The following SLC4A10 variants were observed in gnomAD, a reference collection of about 807,000 sequenced individuals.
The protein encoded by SLC4A10 is sodium-driven chloride bicarbonate exchanger.
A neutral mutation model predicts 137.7 loss-of-function variants in SLC4A10; 42 were observed. That is an observed-to-expected ratio of 0.30 (90% CI 0.24 to 0.39). The LOEUF (loss-of-function observed/expected upper bound fraction) is 0.39, where lower values mean the gene tolerates loss of function less well. Ranked by LOEUF, SLC4A10 falls within the 10% of genes least tolerant of loss-of-function variation. The pLI, the probability that SLC4A10 is intolerant of heterozygous loss-of-function variation, is 1.00. For missense variants in SLC4A10, 925 were observed against 1,355.0 expected (o/e 0.68, Z 4.98); for synonymous variants, 474 against 464.1 (o/e 1.02, Z -0.27).
chr2:161,625,152 T>G (rs2032045299), intron 1 of SLC4A10, among the ~76,000 whole-genome samples: 2 of 151,680 alleles, frequency 1.3e-5, no homozygotes, highest in South Asian at 4.2e-4. Flanking sequence ...ATGGTTTTTG[T>G]ACAAAGAAGG....
intron 19 of SLC4A10, among the ~76,000 whole-genome samples, chr2:161,951,217 G>A (rs1458652171): frequency 1.3e-5 from 2 of 152,102 alleles, no homozygotes; most frequent in African/African-American, 2.4e-5. Flanking sequence ...AACCCTAAAT[G>A]TATCTATTAC....
At chr2:161,708,938 T>A (rs772822003) in intron 1 of SLC4A10, 9 of 1,264,734 alleles carry the variant, frequency 7.1e-6, no homozygotes, top group Non-Finnish European at 9.5e-6. Flanking sequence ...ATTGTCAGAC[T>A]TTCCTTAGGA....
chr2:161,734,427 T>C (rs540100941), intron 1 of SLC4A10, among the ~76,000 whole-genome samples: 1 of 152,316 alleles, frequency 6.6e-6, no homozygotes, highest in African/African-American at 2.4e-5. Flanking sequence ...GCCACTGCCA[T>C]GTAAGAAGTG....
chr2:161,926,261 G>T (rs1689057580), intron 15 of SLC4A10, among the ~76,000 whole-genome samples: 1 of 149,444 alleles, frequency 6.7e-6, no homozygotes, highest in Non-Finnish European at 1.5e-5. Flanking sequence ...ATATATTTAG[G>T]ATAGTTAGCT....
At chr2:161,720,326 C>A (rs1003046003) in intron 1 of SLC4A10, among the ~76,000 whole-genome samples, 1 of 152,078 alleles carries the variant, frequency 6.6e-6, no homozygotes, top group Admixed American at 6.5e-5. Flanking sequence ...AGTCAGGTAG[C>A]GTGATGCCTC....
chr2:161,977,319 C>T (rs755677758), intron 25 of SLC4A10: 1 of 453,938 alleles, frequency 2.2e-6, no homozygotes, highest in Non-Finnish European at 4.4e-6. Flanking sequence ...CTGACTCCAA[C>T]CCCCTGAAAG....
intron 1 of SLC4A10, among the ~76,000 whole-genome samples, chr2:161,728,437 A>G (rs1399761883): frequency 1.3e-5 from 2 of 151,810 alleles, no homozygotes; most frequent in Non-Finnish European, 2.9e-5. Flanking sequence ...TTAGCTGGGC[A>G]TGGTGGTGTG....
At chr2:161,835,780 A>C (rs1288521942) in intron 3 of SLC4A10, among the ~76,000 whole-genome samples, 2 of 152,200 alleles carry the variant, frequency 1.3e-5, no homozygotes, top group Non-Finnish European at 2.9e-5. Context: ...GCTGTACCTG[A>C]TCTAATGCCT....
chr2:161,942,468 A>C (rs778932322), intron 15 of SLC4A10, among the ~76,000 whole-genome samples: 1 of 152,164 alleles, frequency 6.6e-6, no homozygotes, highest in Non-Finnish European at 1.5e-5. Context: ...ATTTTAATTG[A>C]TATGATTTTA....
chr2:161,656,810 T>TA (rs2037602320), intron 1 of SLC4A10, among the ~76,000 whole-genome samples: 1 of 152,260 alleles, frequency 6.6e-6, no homozygotes, highest in East Asian at 1.9e-4. Context: ...AATAGATAGC[T>TA]ATATTGTGAA....
At chr2:161,924,703 C>G (rs1203170075) in intron 15 of SLC4A10, among the ~76,000 whole-genome samples, 1 of 152,140 alleles carries the variant, frequency 6.6e-6, no homozygotes, top group Non-Finnish European at 1.5e-5. Flanking sequence ...CAAAAAATGT[C>G]TCTCCTATGA....
chr2:161,826,669 G>A (rs1302131207), intron 3 of SLC4A10, among the ~76,000 whole-genome samples: 1 of 152,140 alleles, frequency 6.6e-6, no homozygotes, highest in Non-Finnish European at 1.5e-5. Context: ...TAAGGAATTT[G>A]TTGTTTCCAG....
At chr2:161,624,698 G>A in intron 1 of SLC4A10, 132 bp downstream of exon 1, 1 of 1,223,198 alleles carries the variant, frequency 8.2e-7, no homozygotes, top group Non-Finnish European at 1.2e-6. Flanking sequence ...ATGGACAGGG[G>A]TCTCCTCCCA....
chr2:161,855,883 G>C (rs973226624), intron 5 of SLC4A10, among the ~76,000 whole-genome samples: 1 of 151,888 alleles, frequency 6.6e-6, no homozygotes, highest in Non-Finnish European at 1.5e-5. Context: ...TTATTAGTTT[G>C]GGAAAAAATA....
At chr2:161,715,720 T>C (rs1020538385) in intron 1 of SLC4A10, among the ~76,000 whole-genome samples, 1 of 152,168 alleles carries the variant, frequency 6.6e-6, no homozygotes, top group Non-Finnish European at 1.5e-5. Context: ...ATGTACCACA[T>C]TTTCTTTATC....
chr2:161,984,483 T>G lies in SLC4A10; in HGVS notation c.*1331T>G, dbSNP rs1241543882. On this transcript the variant is annotated 3_prime_UTR_variant, in exon 27 of 27. Coordinates refer to ENST00000446997, the MANE Select transcript of SLC4A10 (RefSeq NM_001178015.2). The stretch of plus-strand genomic sequence containing the variant: ...AATCATCAACTTTATAATACTCCAA[T>G]ATTCCGTTTTATAATAATTCAGAGC... The G allele has an allele frequency of 6.6e-6, 1 of 152,120 alleles. No homozygotes were observed. Among genetic ancestry groups the G allele is most frequent in the Non-Finnish European group, 1.5e-5 (1 of 67,978 alleles). The allele number at this position is 152,120 out of a possible 1,614,324, so 9.4% of individuals were successfully genotyped here.
intron 2 of SLC4A10, among the ~76,000 whole-genome samples, chr2:161,788,524 C>T (rs1299126454): frequency 6.6e-6 from 1 of 151,920 alleles, no homozygotes; most frequent in Non-Finnish European, 1.5e-5. Context: ...TGCATTAGCC[C>T]CTCATCCTGG....
chr2:161,792,635 G>T (rs1315460873), intron 2 of SLC4A10, among the ~76,000 whole-genome samples: 1 of 152,090 alleles, frequency 6.6e-6, no homozygotes, highest in East Asian at 1.9e-4. Context: ...AGCCTTCACA[G>T]GTTATCGCCT....
chr2:161,839,833 G>T lies in SLC4A10; in HGVS notation c.322G>T (p.Asp108Tyr), dbSNP rs1183624083. 1 of 1,613,780 alleles carries T rather than the reference G, an allele frequency of 6.2e-7. No homozygotes were observed. Among genetic ancestry groups the T allele is most frequent in the African/African-American group, 1.3e-5 (1 of 74,908 alleles). Residue 108 changes from aspartate to tyrosine, a missense_variant, in exon 4 of 27, where the codon GAT becomes TAT. By Grantham distance (160) the Asp-to-Tyr change is radical. This residue lies in a region of SLC4A10 where 138 missense variants were observed against 171.3 expected (regional missense o/e 0.81). Coordinates refer to ENST00000446997, the MANE Select transcript of SLC4A10 (RefSeq NM_001178015.2). ...ACAGTTTATTCTTGGAACCGAGGAT[G>T]ATGACGAGGAACACATTCCTCATGA... ...RVQFILGTED[D>Y]DEEHIPHDLF...
Sources: allele counts gnomAD v4.1 joint callset (sites outside exome capture counted in the v4.1 genomes callset), GRCh38; gene constraint gnomAD v4.1.1; regional missense constraint gnomAD v4.1.1; transcripts MANE v1.5; gene names NCBI Gene and HGNC (gene_info 2026-07-23, HGNC 2026-07-21).